Variants in LRRC37A3 observed in about 807,000 individuals in gnomAD.
LRRC37A3 encodes leucine-rich repeat-containing protein 37A3.
LRRC37A3 carries 25 observed loss-of-function variants against 106.2 expected under a neutral mutation model. The ratio of observed to expected loss-of-function variants is 0.24; its 90% confidence interval spans 0.17 to 0.33. The LOEUF is 0.33. LRRC37A3 is among the 10% of genes least tolerant of loss of function. LRRC37A3 has a pLI of 1.00. For synonymous variants in LRRC37A3, 305 were observed against 635.8 expected (o/e 0.48, Z 7.83); for missense variants, 712 against 1,644.9 (o/e 0.43, Z 9.81).
chr17:64,875,046 G>A (rs530980932), intron 8 of LRRC37A3, among the ~76,000 whole-genome samples: 2 of 151,858 alleles, frequency 1.3e-5, no homozygotes, highest in South Asian at 4.2e-4. Flanking sequence ...ATTGTCCTAT[G>A]ACCCTGCCAA....
chr17:64,874,659 G>T (rs1385302275), intron 8 of LRRC37A3, among the ~76,000 whole-genome samples: 2 of 152,278 alleles, frequency 1.3e-5, no homozygotes, highest in East Asian at 3.8e-4. Context: ...ATAGAAAAGG[G>T]GGAAATGTGG....
intron 8 of LRRC37A3, among the ~76,000 whole-genome samples, chr17:64,870,017 T>A (rs561763490): frequency 6.6e-6 from 1 of 151,128 alleles, no homozygotes. Context: ...CTTTCTTACA[T>A]TGCATGTAAT....
intron 12 of LRRC37A3, 51 bp downstream of exon 12, chr17:64,859,391 A>T (rs771331703): frequency 7.8e-7 from 1 of 1,276,556 alleles, no homozygotes; most frequent in African/African-American, 1.5e-5. Flanking sequence ...CTTTCCTGGG[A>T]TATGCTAAAT....
intron 2 of LRRC37A3, among the ~76,000 whole-genome samples, chr17:64,899,503 T>G (rs1290134013): frequency 7.1e-6 from 1 of 141,712 alleles, no homozygotes; most frequent in Non-Finnish European, 1.5e-5. Flanking sequence ...CACCATCATA[T>G]ATGTGGTCTA....
intron 8 of LRRC37A3, among the ~76,000 whole-genome samples, chr17:64,884,362 T>A (rs1973806044): frequency 6.6e-6 from 1 of 151,554 alleles, no homozygotes; most frequent in African/African-American, 2.4e-5. Flanking sequence ...TTATTATTAT[T>A]ATTATATTAT....
chr17:64,881,203 C>G, intron 8 of LRRC37A3: 1 of 700,876 alleles, frequency 1.4e-6, no homozygotes, highest in East Asian at 2.7e-5. Flanking sequence ...GGGGCAAAAT[C>G]TAGAGAATCT....
intron 8 of LRRC37A3, among the ~76,000 whole-genome samples, chr17:64,875,995 G>T (rs1439293294): frequency 6.6e-6 from 1 of 152,060 alleles, no homozygotes; most frequent in African/African-American, 2.4e-5. Flanking sequence ...ATAAAATTAA[G>T]ATGTAGCTGA....
chr17:64,874,631 C>T (rs1336666574), intron 8 of LRRC37A3, among the ~76,000 whole-genome samples: 4 of 152,238 alleles, frequency 2.6e-5, no homozygotes, highest in South Asian at 2.1e-4. Context: ...GCCATGATGA[C>T]GATGGCGGTT....
At chr17:64,876,302 C>A (rs1224554635) in intron 8 of LRRC37A3, among the ~76,000 whole-genome samples, 1 of 152,206 alleles carries the variant, frequency 6.6e-6, no homozygotes, top group African/African-American at 2.4e-5. Flanking sequence ...CCTGCCTTAG[C>A]CACCTGAGTA....
At chr17:64,855,301 T>A (rs1267384596) in intron 14 of LRRC37A3, among the ~76,000 whole-genome samples, 1 of 151,076 alleles carries the variant, frequency 6.6e-6, no homozygotes, top group Non-Finnish European at 1.5e-5. Flanking sequence ...CTACCTTCCA[T>A]CAGCCTTGAA....
At chr17:64,874,155 G>C (rs1303216860) in intron 8 of LRRC37A3, among the ~76,000 whole-genome samples, 2 of 152,218 alleles carry the variant, frequency 1.3e-5, no homozygotes, top group Non-Finnish European at 2.9e-5. Flanking sequence ...CCAGTACCTT[G>C]GGAGGCTTGA....
chr17:64,913,351 T>C (rs1974632915), intron 2 of LRRC37A3, among the ~76,000 whole-genome samples: 1 of 149,806 alleles, frequency 6.7e-6, no homozygotes, highest in Non-Finnish European at 1.5e-5. Context: ...TTTTTTTTTT[T>C]TTCTTTTGAA....
At chr17:64,882,548 G>A (rs1246699120) in intron 8 of LRRC37A3, among the ~76,000 whole-genome samples, 1 of 152,144 alleles carries the variant, frequency 6.6e-6, no homozygotes, top group Non-Finnish European at 1.5e-5. Flanking sequence ...CTCCGAATCA[G>A]AGAAGAAGCT....
At chr17:64,893,648 A>ATTT (rs3972251) in intron 4 of LRRC37A3, among the ~76,000 whole-genome samples, 4 of 86,948 alleles carry the variant, frequency 4.6e-5, no homozygotes, top group Non-Finnish European at 8.7e-5. Flanking sequence ...CCCTCCTATC[A>ATTT]TTTTTTTTTT....
chr17:64,878,804 TATGATCTAGCA>T (rs1567773314), intron 8 of LRRC37A3, among the ~76,000 whole-genome samples: 4 of 152,224 alleles, frequency 2.6e-5, no homozygotes, highest in Non-Finnish European at 4.4e-5. Context: ...AGAGTTGCCA[TATGATCTAGCA>T]ATTCTGCTAG....
rs1598433103 is a variant in LRRC37A3, at chr17:64,904,367, C to T, written c.-495-5908G>A. Among the ~76,000 whole-genome samples, 3 of 152,342 alleles carry T rather than the reference C, an allele frequency of 2.0e-5. No homozygotes were observed. In the East Asian group the frequency reaches 5.8e-4, roughly 29 times the overall value. On this transcript the variant is annotated intron_variant, in intron 2 of 14. Transcript: ENST00000584306. ...GCGCACGCCTGTAGTCCTGGCTAGT[C>T]AGGAGGCTAAGGTGGGAGGATCCCT... is the stretch of plus-strand genomic sequence containing the variant.
intron 8 of LRRC37A3, among the ~76,000 whole-genome samples, chr17:64,872,001 A>T (rs1973331989): frequency 6.6e-6 from 1 of 151,258 alleles, no homozygotes; most frequent in Non-Finnish European, 1.5e-5. Context: ...GCGTGGTGGC[A>T]GGCGCCTGTA....
At chr17:64,905,053 TTAA>T (rs1974427439) in intron 2 of LRRC37A3, among the ~76,000 whole-genome samples, 1 of 150,752 alleles carries the variant, frequency 6.6e-6, no homozygotes, top group Non-Finnish European at 1.5e-5. Context: ...AATTTATTAA[TTAA>T]TAAATCAATG....
intron 8 of LRRC37A3, among the ~76,000 whole-genome samples, chr17:64,879,967 G>A (rs1261942432): frequency 6.6e-6 from 1 of 152,112 alleles, no homozygotes; most frequent in Non-Finnish European, 1.5e-5. Flanking sequence ...AGCAAAGTTT[G>A]TTATCTTTCC....
Sources: allele counts gnomAD v4.1 joint callset (sites outside exome capture counted in the v4.1 genomes callset), GRCh38; gene constraint gnomAD v4.1.1; transcripts MANE v1.5; gene names NCBI Gene and HGNC (gene_info 2026-07-23, HGNC 2026-07-21).